The following CNTN5 variants were observed in gnomAD, a reference collection of about 807,000 sequenced individuals.
CNTN5 encodes contactin-5.
Under a neutral mutation model 129.1 loss-of-function variants are expected in CNTN5, and 77 were observed. The ratio of observed to expected loss-of-function variants is 0.60; its 90% CI spans 0.50 to 0.72. The LOEUF (loss-of-function observed/expected upper bound fraction) is 0.72, where lower values mean the gene tolerates loss of function less well. CNTN5 is among the 30% of genes least tolerant of loss of function. The pLI is 0.00. For synonymous variants in CNTN5, 509 were observed against 465.6 expected (o/e 1.09, Z -1.20); for missense variants, 1,478 against 1,328.8 (o/e 1.11, Z -1.75).
At chr11:99,577,407 C>G (rs1240251647) in intron 3 of CNTN5, among the ~76,000 whole-genome samples, 1 of 152,002 alleles carries the variant, frequency 6.6e-6, no homozygotes, top group Non-Finnish European at 1.5e-5. Context: ...AGTGATTCTA[C>G]CAATGATTAA....
At chr11:99,631,336 G>C (rs1054888328) in intron 3 of CNTN5, among the ~76,000 whole-genome samples, 4 of 152,030 alleles carry the variant, frequency 2.6e-5, no homozygotes, top group Non-Finnish European at 5.9e-5. Flanking sequence ...TTTATGTACA[G>C]TGTAATATCA....
intron 1 of CNTN5, among the ~76,000 whole-genome samples, chr11:99,097,787 T>C (rs745346631): frequency 1.3e-5 from 2 of 152,080 alleles, no homozygotes; most frequent in East Asian, 1.9e-4. Context: ...CTTTCCTACA[T>C]AGGTAAAACA....
chr11:100,120,367 T>C (rs1945977666), intron 13 of CNTN5, among the ~76,000 whole-genome samples: 1 of 151,998 alleles, frequency 6.6e-6, no homozygotes, highest in Non-Finnish European at 1.5e-5. Flanking sequence ...CTGATCATAG[T>C]ATCAATAGTC....
chr11:99,318,978 A>G (rs185946858), intron 1 of CNTN5, among the ~76,000 whole-genome samples: 1 of 152,332 alleles, frequency 6.6e-6, no homozygotes, highest in African/African-American at 2.4e-5. Flanking sequence ...CCATTTAGAG[A>G]TGACAGAATT....
chr11:99,543,274 A>T (rs1810985783), intron 2 of CNTN5, among the ~76,000 whole-genome samples: 1 of 152,192 alleles, frequency 6.6e-6, no homozygotes, highest in Non-Finnish European at 1.5e-5. Flanking sequence ...AGAATAGCTA[A>T]ATATAGTCCA....
At chr11:99,127,197 G>A (rs773428081) in intron 1 of CNTN5, among the ~76,000 whole-genome samples, 5 of 151,970 alleles carry the variant, frequency 3.3e-5, no homozygotes, top group African/African-American at 4.8e-5. Context: ...TTATTACTTC[G>A]CTCATGCTTC....
chr11:99,494,440 G>T (rs1946150306), intron 2 of CNTN5, among the ~76,000 whole-genome samples: 1 of 151,932 alleles, frequency 6.6e-6, no homozygotes, highest in Non-Finnish European at 1.5e-5. Flanking sequence ...ATCCTTATTG[G>T]GATAAATAAT....
chr11:100,095,635 G>A (rs1944983096), intron 13 of CNTN5, among the ~76,000 whole-genome samples: 1 of 152,026 alleles, frequency 6.6e-6, no homozygotes. Context: ...GCAAGATGTT[G>A]TTTGAAATAA....
At chr11:99,264,648 C>A (rs970568781) in intron 1 of CNTN5, among the ~76,000 whole-genome samples, 1 of 151,970 alleles carries the variant, frequency 6.6e-6, no homozygotes, top group Non-Finnish European at 1.5e-5. Context: ...TTTGTTCAAT[C>A]GTTTGGAATT....
intron 13 of CNTN5, among the ~76,000 whole-genome samples, chr11:100,083,556 C>T (rs1944440113): frequency 6.6e-6 from 1 of 152,072 alleles, no homozygotes; most frequent in Non-Finnish European, 1.5e-5. Context: ...TATTTCTAAG[C>T]TTGGTCTCTT....
chr11:99,353,232 C>T (rs1446579636), intron 2 of CNTN5, among the ~76,000 whole-genome samples: 1 of 152,184 alleles, frequency 6.6e-6, no homozygotes, highest in African/African-American at 2.4e-5. Context: ...TCTTACCTGC[C>T]TTGACCGCCT....
intron 2 of CNTN5, among the ~76,000 whole-genome samples, chr11:99,393,213 G>A (rs976045478): frequency 5.9e-5 from 9 of 151,804 alleles, no homozygotes; most frequent in African/African-American, 1.9e-4. Context: ...AAATAGAAAC[G>A]GCACAAACTC....
intron 16 of CNTN5, among the ~76,000 whole-genome samples, chr11:100,240,872 T>C (rs1949726353): frequency 6.6e-6 from 1 of 152,238 alleles, no homozygotes; most frequent in South Asian, 2.1e-4. Context: ...TGTGATAGGT[T>C]TGTGAAAATA....
chr11:99,127,562 C>G (rs533520651), intron 1 of CNTN5, among the ~76,000 whole-genome samples: 6 of 152,296 alleles, frequency 3.9e-5, no homozygotes, highest in Admixed American at 3.9e-4. Context: ...TCTTCAAGAT[C>G]TCACTTCACC....
At chr11:99,021,757 G>A (rs1862880457) in intron 1 of CNTN5, among the ~76,000 whole-genome samples, 1 of 152,172 alleles carries the variant, frequency 6.6e-6, no homozygotes, top group Non-Finnish European at 1.5e-5. Flanking sequence ...CTCTATAAGT[G>A]GAGTTCTACA....
intron 1 of CNTN5, among the ~76,000 whole-genome samples, chr11:99,193,369 T>C (rs1430022102): frequency 6.6e-6 from 1 of 152,244 alleles, no homozygotes; most frequent in Non-Finnish European, 1.5e-5. Flanking sequence ...AGCATGGGAA[T>C]TGTGCACTGT....
intron 6 of CNTN5, among the ~76,000 whole-genome samples, chr11:99,850,004 C>T (rs1947821470): frequency 2.6e-5 from 4 of 151,960 alleles, no homozygotes; most frequent in Admixed American, 2.6e-4. Context: ...TTATTAACAC[C>T]TATGTAACAA....
intron 1 of CNTN5, among the ~76,000 whole-genome samples, chr11:99,154,010 A>G (rs1240761445): frequency 3.9e-5 from 6 of 152,036 alleles, no homozygotes; most frequent in Admixed American, 2.0e-4. Context: ...GAGGTTAGGA[A>G]TCTGTTGCAT....
chr11:99,171,670 G>T (rs1387847310), intron 1 of CNTN5, among the ~76,000 whole-genome samples: 1 of 152,108 alleles, frequency 6.6e-6, no homozygotes, highest in African/African-American at 2.4e-5. Context: ...TTTTAAAAAT[G>T]ATTTTCAGAA....
Sources: gnomAD v4.1 joint callset for allele counts (sites outside exome capture counted in the v4.1 genomes callset) on GRCh38, gnomAD v4.1.1 for gene constraint, MANE v1.5 for transcripts, NCBI Gene and HGNC (gene_info 2026-07-23, HGNC 2026-07-21) for gene names.